Variants in UBALD2 observed in about 807,000 individuals in gnomAD.
UBALD2 encodes the protein UBA like domain containing 2, also known as UBA-like domain-containing protein 2.
UBALD2 carries 8 observed loss-of-function variants against 15.9 expected under a neutral mutation model. The observed-to-expected ratio is 0.50, with a 90% CI of 0.29 to 0.91. The LOEUF (loss-of-function observed/expected upper bound fraction) is 0.91, where lower values mean the gene tolerates loss of function less well. Ranked by LOEUF, UBALD2 falls within the 40% of genes least tolerant of loss-of-function variation. The pLI is 0.07. For missense variants in UBALD2, 178 were observed against 234.8 expected, an observed-to-expected ratio of 0.76 and a Z score of 1.58; for synonymous variants, 113 against 97.7, an observed-to-expected ratio of 1.16 and a Z score of -0.93.
intron 2 of UBALD2, among the ~76,000 whole-genome samples, chr17:76,268,510 G>A (rs2070562069): frequency 6.6e-6 from 1 of 151,674 alleles, no homozygotes; most frequent in Non-Finnish European, 1.5e-5. Context: ...AGGGAGTAGT[G>A]GAGGGAGGAG....
chr17:76,269,972 C>T lies in UBALD2; in HGVS notation c.184-222C>T, dbSNP rs2070573172. ...GCTCCTCGGGGTGTCATTTCCAGGC[C>T]TCATGAAACCCCGTTGGTTTTGATA... On this transcript the variant is annotated intron_variant, in intron 2 of 2. Coordinates refer to ENST00000327490, the MANE Select transcript of UBALD2 (RefSeq NM_182565.4). The surrounding 1 kb of genome is among the most constrained non-coding windows in gnomAD (Gnocchi z 4.6). Among the ~76,000 whole-genome samples, 1 of 152,178 alleles carries T rather than the reference C, an allele frequency of 6.6e-6. No homozygotes were observed. Among genetic ancestry groups the T allele is most frequent in the Non-Finnish European group, 1.5e-5 (1 of 68,034 alleles).
At chr17:76,266,362 T>C (rs1268948736) in intron 2 of UBALD2, among the ~76,000 whole-genome samples, 1 of 152,034 alleles carries the variant, frequency 6.6e-6, no homozygotes, top group Non-Finnish European at 1.5e-5. Context: ...ATGGGGGTGC[T>C]TGTGTTTATG....
At position 76,269,548 on chromosome 17, in the gene UBALD2, CT is replaced by C. The variant is rs2143064721; in HGVS notation, c.184-644del. ...GAGCTGGGGAGGTCCGTCTTCTCAA[CT>C]TGCCCTCTGCTGTGGGTGCATTTTC... is the stretch of plus-strand genomic sequence containing the variant. On this transcript the variant is annotated intron_variant, in intron 2 of 2. Coordinates refer to ENST00000327490, the MANE Select transcript of UBALD2 (RefSeq NM_182565.4). This position sits in a 1 kb window ranked among gnomAD's most constrained non-coding sequence, Gnocchi z 4.6. Among the ~76,000 whole-genome samples, 1 of 152,358 alleles carries C rather than the reference CT, an allele frequency of 6.6e-6. No individual in the cohort carries two copies. The highest frequency in any genetic ancestry group is 2.1e-4 in the South Asian group (1 of 4,830).
chr17:76,265,356 C>T lies in UBALD2; in HGVS notation c.-150C>T. 1.2e-6 allele frequency: 1 copy of T among 818,084 alleles called. No homozygotes were observed. Among genetic ancestry groups the T allele is most frequent in the Non-Finnish European group, 1.5e-6 (1 of 677,148 alleles). 50.7% of individuals were successfully genotyped at this position (818,084 alleles called of 1,614,324 possible). ...GCCGCGGGAGTCGAACCACAACATT[C>T]GCCGGGCGGGCGGCGGCGGAGCGGG... On this transcript the variant is annotated 5_prime_UTR_variant, in exon 1 of 3. Transcript: ENST00000327490.
chr17:76,270,528 G>C lies in UBALD2; in HGVS notation c.*23G>C. On this transcript the variant is annotated 3_prime_UTR_variant, in exon 3 of 3. Transcript: ENST00000327490. ...TGAGACTGGACGCCGCCGGGCGCTG[G>C]GCTGGAGCTGGGGGCAGCCCAGGGT... is the stretch of plus-strand genomic sequence containing the variant. 1 of 1,434,654 alleles carries C rather than the reference G, an allele frequency of 7.0e-7. No individual in the cohort carries two copies. The highest frequency in any genetic ancestry group is 9.1e-7 in the Non-Finnish European group (1 of 1,098,918). The allele number at this position is 1,434,654 out of a possible 1,614,324, so 88.9% of individuals were successfully genotyped here.
intron 2 of UBALD2, among the ~76,000 whole-genome samples, chr17:76,268,010 AAC>A (rs2070557718): frequency 6.6e-6 from 1 of 152,218 alleles, no homozygotes; most frequent in South Asian, 2.1e-4. Flanking sequence ...CAAAAAACGA[AAC>A]ACTAGAGACC....
At position 76,269,299 on chromosome 17, in the gene UBALD2, G is replaced by C. The variant is rs554753014; in HGVS notation, c.184-895G>C. On this transcript the variant is annotated intron_variant, in intron 2 of 2. Coordinates refer to ENST00000327490, the MANE Select transcript of UBALD2 (RefSeq NM_182565.4). This position sits in a 1 kb window ranked among gnomAD's most constrained non-coding sequence, Gnocchi z 4.6. Reference sequence around the variant, plus strand: ...AGGGTAGTGACAGAAGACAGCAGATGGGGGACTGTAGCTACCCCCAGGAAG... The same window carrying C: ...AGGGTAGTGACAGAAGACAGCAGATCGGGGACTGTAGCTACCCCCAGGAAG... 1.4e-3 allele frequency among the ~76,000 whole-genome samples: 213 copies of C among 152,250 alleles called. No homozygotes were observed. Among genetic ancestry groups the C allele is most frequent in the African/African-American group, 4.8e-3 (200 of 41,534 alleles).
Position 76,269,205 on chromosome 17 carries a change from TTC to T in UBALD2, c.184-985_184-984del, listed in dbSNP as rs1196989635. ...TCCCAGCCAGTTTTGTGTGGTCTTGTTCTCTGTGTTGCCTCTTGCCCATGCTG... is the reference window on the plus strand; with the variant it reads ...TCCCAGCCAGTTTTGTGTGGTCTTGTTCTGTGTTGCCTCTTGCCCATGCTG... On this transcript the variant is annotated intron_variant, in intron 2 of 2. Coordinates refer to ENST00000327490, the MANE Select transcript of UBALD2 (RefSeq NM_182565.4). The surrounding 1 kb of genome is among the most constrained non-coding windows in gnomAD (Gnocchi z 4.6). Among the ~76,000 whole-genome samples the T allele has an allele frequency of 6.6e-6, 1 of 152,180 alleles. No homozygotes were observed. Among genetic ancestry groups the T allele is most frequent in the African/African-American group, 2.4e-5 (1 of 41,442 alleles).
intron 2 of UBALD2, among the ~76,000 whole-genome samples, chr17:76,266,213 G>T (rs1296936521): frequency 1.3e-5 from 2 of 152,114 alleles, no homozygotes; most frequent in South Asian, 2.1e-4. Flanking sequence ...CAAAGTTGGG[G>T]GGAGGGGGAG....
At chr17:76,268,879 G>A (rs1394754149) in intron 2 of UBALD2, among the ~76,000 whole-genome samples, 1 of 151,828 alleles carries the variant, frequency 6.6e-6, no homozygotes, top group Admixed American at 6.6e-5. Context: ...GATTATAGAC[G>A]CCCATCACCA....
chr17:76,266,419 C>T lies in UBALD2; in HGVS notation c.183+450C>T, dbSNP rs191680231. Among the ~76,000 whole-genome samples, 617 of 152,060 alleles carry T rather than the reference C, an allele frequency of 4.1e-3. 2 individuals are homozygous for T. The highest frequency in any genetic ancestry group is 0.014 in the African/African-American group (590 of 41,362). On this transcript the variant is annotated intron_variant, in intron 2 of 2. Transcript: ENST00000327490. ...GTGGTTTCCCCCCTCCCCCTCCACA[C>T]ACACACACACCCAGCGCTACAGGGA...
chr17:76,265,878 C>T (rs760839506), intron 1 of UBALD2, 29 bp from the exon 2 acceptor site: 6 of 1,593,352 alleles, frequency 3.8e-6, no homozygotes, highest in Non-Finnish European at 4.3e-6. Context: ...CCGCCTGGCC[C>T]GCCGTGTCAC....
chr17:76,265,377 G>GCGGGCGC lies in UBALD2; in HGVS notation c.-123_-122insCCGGGCG. The GCGGGCGC allele has an allele frequency of 1.1e-6, 1 of 911,208 alleles. No homozygotes were observed. The highest frequency in any genetic ancestry group is 1.3e-6 in the Non-Finnish European group (1 of 763,314). The allele number at this position is 911,208 out of a possible 1,614,324, so 56.4% of individuals were successfully genotyped here. ...CATTCGCCGGGCGGGCGGCGGCGGA[G>GCGGGCGC]CGGGCGGCGGAGCGGCGGCAGCAGC... is the stretch of plus-strand genomic sequence containing the variant. On this transcript the variant is annotated 5_prime_UTR_variant, in exon 1 of 3. Coordinates refer to ENST00000327490, the MANE Select transcript of UBALD2 (RefSeq NM_182565.4).
chr17:76,267,868 A>G (rs2070556633), intron 2 of UBALD2, among the ~76,000 whole-genome samples: 1 of 151,996 alleles, frequency 6.6e-6, no homozygotes, highest in African/African-American at 2.4e-5. Flanking sequence ...CATGTTGATC[A>G]GGCTGGTCTC....
chr17:76,266,515 G>A (rs1443744493), intron 2 of UBALD2, among the ~76,000 whole-genome samples: 1 of 152,114 alleles, frequency 6.6e-6, no homozygotes, highest in East Asian at 1.9e-4. Flanking sequence ...TCAACCTTCC[G>A]AAGCCCAAGG....
intron 2 of UBALD2, 90 bp downstream of exon 2, chr17:76,266,059 TAAAC>T (rs2070543161): frequency 6.9e-7 from 1 of 1,456,616 alleles, no homozygotes; most frequent in African/African-American, 1.4e-5. Context: ...GCCGCGAATG[TAAAC>T]AAAGAGCCAA....
At position 76,265,585 on chromosome 17, in the gene UBALD2, A is replaced by C; in HGVS notation, c.80A>C (p.Gln27Pro). The C allele has an allele frequency of 7.5e-7, 1 of 1,332,664 alleles. No individual in the cohort carries two copies. Among genetic ancestry groups the C allele is most frequent in the Admixed American group, 2.3e-5 (1 of 43,384 alleles). The allele number at this position is 1,332,664 out of a possible 1,614,324, so 82.6% of individuals were successfully genotyped here. The change falls in exon 1 of 3, where the codon CAG becomes CCG. Residue 27 changes from glutamine to proline, a missense_variant. Coordinates refer to ENST00000327490, the MANE Select transcript of UBALD2 (RefSeq NM_182565.4). ...CTGGCCGCGGGCTGCGCGGCCGACCAGGCGAAGCAGTTGCTGCAGGCGGCC... is the reference window on the plus strand; with the variant it reads ...CTGGCCGCGGGCTGCGCGGCCGACCCGGCGAAGCAGTTGCTGCAGGCGGCC... The part of the protein sequence containing the change: ...FVLAAGCAAD[Q>P]AKQLLQAAHW...
rs756767078 is a variant in UBALD2, at chr17:76,270,375, C to T, written c.365C>T (p.Ala122Val). The change falls in exon 3 of 3, where the codon GCG becomes GTG. Residue 122 changes from alanine (A) to valine (V), a missense_variant. Ala to Val is a moderately conservative substitution (Grantham distance 64). Transcript: ENST00000327490. ...GCCTCGTCCCCGCCCAGCCACCAGGCGCCCTGGATCCCGCCCTCCTCCCCC... is the reference window on the plus strand; with the variant it reads ...GCCTCGTCCCCGCCCAGCCACCAGGTGCCCTGGATCCCGCCCTCCTCCCCC... Reference protein sequence around the residue: ...FWASSPPSHQAPWIPPSSPTT... With the variant: ...FWASSPPSHQVPWIPPSSPTT... 63 of 1,544,876 alleles carry T rather than the reference C, an allele frequency of 4.1e-5. No homozygotes were observed. In the Middle Eastern group the frequency reaches 8.9e-4, roughly 22 times the overall value.
intron 2 of UBALD2, 23 bp from the exon 3 acceptor site, chr17:76,270,171 C>G: frequency 6.2e-7 from 1 of 1,609,792 alleles, no homozygotes; most frequent in Non-Finnish European, 8.5e-7. Context: ...GCAGCCTCCC[C>G]ACACCCGTGT....
Sources: gnomAD v4.1 joint callset for allele counts (sites outside exome capture counted in the v4.1 genomes callset) on GRCh38, gnomAD v4.1.1 for gene constraint, Gnocchi (gnomAD v3.1) non-coding constraint, MANE v1.5 for transcripts, NCBI Gene and HGNC (gene_info 2026-07-23, HGNC 2026-07-21) for gene names.